The following PALS2 variants were observed in gnomAD, a reference collection of about 807,000 sequenced individuals.
PALS2 encodes protein PALS2.
PALS2 carries 27 observed loss-of-function variants against 61.6 expected under a neutral mutation model. That is an observed-to-expected ratio of 0.44 (90% confidence interval 0.32 to 0.60). The LOEUF (loss-of-function observed/expected upper bound fraction) is 0.60, where lower values mean the gene tolerates loss of function less well. Among genes scored for constraint, PALS2 ranks in the 20% least tolerant of loss-of-function variants. The pLI is 0.05. For missense variants in PALS2, 554 were observed against 639.4 expected (o/e 0.87, Z 1.44); for synonymous variants, 236 against 218.6 (o/e 1.08, Z -0.70).
intron 1 of PALS2, among the ~76,000 whole-genome samples, chr7:24,621,804 A>G (rs575976957): frequency 7.9e-5 from 12 of 152,022 alleles, no homozygotes; most frequent in Non-Finnish European, 1.5e-4. Flanking sequence ...TTCTGTATTT[A>G]CTGTTGATTT....
At chr7:24,575,498 C>T (rs1443997095) in intron 1 of PALS2, among the ~76,000 whole-genome samples, 1 of 152,130 alleles carries the variant, frequency 6.6e-6, no homozygotes, top group Admixed American at 6.5e-5. Flanking sequence ...CCCCACTCCC[C>T]CTCTTTTTAG....
chr7:24,654,236 G>C (rs868447375), intron 5 of PALS2, among the ~76,000 whole-genome samples: 1 of 150,212 alleles, frequency 6.7e-6, no homozygotes. Context: ...AACTAGAGAA[G>C]GATGCTCACT....
chr7:24,642,584 G>C (rs1785616192), intron 3 of PALS2, among the ~76,000 whole-genome samples: 2 of 152,106 alleles, frequency 1.3e-5, no homozygotes, highest in Non-Finnish European at 2.9e-5. Flanking sequence ...AAAAAGAATG[G>C]TGCTGGGATA....
chr7:24,617,752 C>T (rs576596207), intron 1 of PALS2, among the ~76,000 whole-genome samples: 5 of 152,154 alleles, frequency 3.3e-5, no homozygotes, highest in Admixed American at 1.3e-4. Context: ...CATGAGTGAA[C>T]GCTGTGATGA....
At chr7:24,625,286 T>A (rs938048912) in intron 2 of PALS2, among the ~76,000 whole-genome samples, 2 of 152,198 alleles carry the variant, frequency 1.3e-5, no homozygotes, top group Non-Finnish European at 2.9e-5. Flanking sequence ...CATGTAGCTG[T>A]TACACTGTTA....
At position 24,618,882 on chromosome 7, in the gene PALS2, G is replaced by A. The variant is rs1189968561; in HGVS notation, c.-2-4784G>A. Among the ~76,000 whole-genome samples, 2 of 152,188 alleles carry A rather than the reference G, an allele frequency of 1.3e-5. No homozygotes were observed. The highest frequency in any genetic ancestry group is 2.4e-5 in the African/African-American group (1 of 41,440). ...AAATCTTAGCTGTTTATTTATTGCC[G>A]TGGTCCTTTCTTGAAGCGGAGGAAT... is the stretch of plus-strand genomic sequence containing the variant. On this transcript the variant is annotated intron_variant, in intron 1 of 11. Coordinates refer to ENST00000222644, the MANE Select transcript of PALS2 (RefSeq NM_001303037.2). This position sits in a 1 kb window ranked among gnomAD's most constrained non-coding sequence, Gnocchi z 5.1.
chr7:24,653,923 T>C (rs1786285951), intron 5 of PALS2, among the ~76,000 whole-genome samples: 1 of 152,148 alleles, frequency 6.6e-6, no homozygotes, highest in South Asian at 2.1e-4. Flanking sequence ...TGGCAGAAGC[T>C]GGATGGAAAA....
chr7:24,677,663 C>T (rs1787689755), intron 9 of PALS2, among the ~76,000 whole-genome samples: 1 of 152,100 alleles, frequency 6.6e-6, no homozygotes, highest in African/African-American at 2.4e-5. Flanking sequence ...TGTTTATATG[C>T]TGGATTACAT....
intron 5 of PALS2, among the ~76,000 whole-genome samples, chr7:24,653,302 A>G (rs531943698): frequency 6.4e-4 from 97 of 152,300 alleles, no homozygotes; most frequent in Middle Eastern, 3.4e-3. Context: ...TGAAAAGAGA[A>G]TAACCTCAAT....
At chr7:24,583,436 C>T (rs1259056829) in intron 1 of PALS2, among the ~76,000 whole-genome samples, 1 of 151,934 alleles carries the variant, frequency 6.6e-6, no homozygotes, top group East Asian at 1.9e-4. Context: ...TACTATTCAC[C>T]CAATTAAAAT....
At chr7:24,580,226 C>G (rs1280459519) in intron 1 of PALS2, among the ~76,000 whole-genome samples, 6 of 152,148 alleles carry the variant, frequency 3.9e-5, no homozygotes, top group Non-Finnish European at 2.9e-5. Flanking sequence ...CATGAAGTGA[C>G]TCTGGCAGGG....
chr7:24,617,605 T>C (rs1230889521), intron 1 of PALS2, among the ~76,000 whole-genome samples: 1 of 152,152 alleles, frequency 6.6e-6, no homozygotes, highest in African/African-American at 2.4e-5. Flanking sequence ...TGTAGTCTCT[T>C]TGCAGATTCT....
intron 2 of PALS2, among the ~76,000 whole-genome samples, chr7:24,630,886 A>G (rs1784970403): frequency 6.6e-6 from 1 of 152,212 alleles, no homozygotes; most frequent in Non-Finnish European, 1.5e-5. Context: ...GCTCAGAAAA[A>G]AAGATTTCTT....
intron 10 of PALS2, among the ~76,000 whole-genome samples, chr7:24,679,654 T>A (rs1396282683): frequency 1.3e-5 from 2 of 152,126 alleles, no homozygotes; most frequent in African/African-American, 4.8e-5. Flanking sequence ...AAAACTCAAG[T>A]CTGCAATATA....
intron 5 of PALS2, among the ~76,000 whole-genome samples, chr7:24,659,872 G>T (rs148565991): frequency 1.4e-4 from 22 of 152,272 alleles, no homozygotes; most frequent in African/African-American, 5.1e-4. Flanking sequence ...TTCTCTCTCT[G>T]TGCAGCCTTT....
intron 1 of PALS2, among the ~76,000 whole-genome samples, chr7:24,579,851 T>C: frequency 6.6e-6 from 1 of 152,214 alleles, no homozygotes; most frequent in Non-Finnish European, 1.5e-5. Flanking sequence ...TAAATCTTGG[T>C]TTATTGTATA....
intron 1 of PALS2, among the ~76,000 whole-genome samples, chr7:24,583,690 T>A (rs1375913177): frequency 2.0e-5 from 3 of 151,750 alleles, no homozygotes; most frequent in Admixed American, 6.6e-5. Context: ...CTTTAAGTTT[T>A]AGGGTACATG....
chr7:24,589,637 G>A (rs796914133), intron 1 of PALS2, among the ~76,000 whole-genome samples: 9 of 152,208 alleles, frequency 5.9e-5, no homozygotes, highest in South Asian at 2.1e-4. Context: ...CCTGGAGGGA[G>A]GAATTTATGT....
At chr7:24,647,921 A>G (rs996387265) in intron 3 of PALS2, among the ~76,000 whole-genome samples, 2 of 152,190 alleles carry the variant, frequency 1.3e-5, no homozygotes, top group African/African-American at 4.8e-5. Context: ...TCTGAACTAG[A>G]GATAGAAATT....
Sources: allele counts gnomAD v4.1 joint callset (sites outside exome capture counted in the v4.1 genomes callset), GRCh38; gene constraint gnomAD v4.1.1; non-coding constraint Gnocchi (gnomAD v3.1); transcripts MANE v1.5; gene names NCBI Gene and HGNC (gene_info 2026-07-23, HGNC 2026-07-21).